Variants in IGSF10 observed in about 807,000 individuals in gnomAD.
The protein encoded by IGSF10 is calvaria mechanical force protein 608.
Under a neutral mutation model 128.2 loss-of-function variants are expected in IGSF10, and 126 were observed. That is an observed-to-expected ratio of 0.98 (90% confidence interval 0.85 to 1.14). IGSF10 has a LOEUF of 1.14. Among genes scored for constraint, IGSF10 ranks in the 50% most tolerant of loss-of-function variants. The pLI, the probability that IGSF10 is intolerant of heterozygous loss-of-function variation, is 0.00. For synonymous variants in IGSF10, 1,185 were observed against 1,146.2 expected (o/e 1.03, Z -0.68); for missense variants, 3,295 against 3,149.8 (o/e 1.05, Z -1.10).
the IGSF10 span, among the ~76,000 whole-genome samples, chr3:151,588,071 G>C: frequency 2.0e-5 from 3 of 152,132 alleles, no homozygotes; most frequent in Non-Finnish European, 4.4e-5. Context: ...AATTAAGTGA[G>C]GTATGAAATA....
the IGSF10 span, among the ~76,000 whole-genome samples, chr3:151,532,549 T>C: frequency 5.9e-5 from 9 of 151,966 alleles, no homozygotes; most frequent in Non-Finnish European, 1.2e-4. Context: ...ACATAATCCA[T>C]CGCATAAGCA....
chr3:151,526,770 G>A, the IGSF10 span, among the ~76,000 whole-genome samples: 1 of 151,634 alleles, frequency 6.6e-6, no homozygotes. Context: ...AATTTTCCTG[G>A]TTATCCTTAA....
chr3:151,530,604 C>A, the IGSF10 span, among the ~76,000 whole-genome samples: 1 of 152,084 alleles, frequency 6.6e-6, no homozygotes, highest in Non-Finnish European at 1.5e-5. Flanking sequence ...ATTTCATATC[C>A]AACCAAACTA....
chr3:151,578,663 C>A, the IGSF10 span, among the ~76,000 whole-genome samples: 1 of 152,316 alleles, frequency 6.6e-6, no homozygotes, highest in East Asian at 1.9e-4. Context: ...TGCCTGCATC[C>A]TTCTTCCTAT....
At chr3:151,474,825 G>A in the IGSF10 span, among the ~76,000 whole-genome samples, 2 of 145,968 alleles carry the variant, frequency 1.4e-5, no homozygotes, top group Non-Finnish European at 2.9e-5. Flanking sequence ...AGCAGGCAAA[G>A]AGAGAGCTTG....
the IGSF10 span, among the ~76,000 whole-genome samples, chr3:151,489,002 C>T: frequency 3.3e-5 from 5 of 152,132 alleles, no homozygotes; most frequent in East Asian, 1.9e-4. Flanking sequence ...AGAACTTCTG[C>T]GCAGCAAAAG....
the IGSF10 span, among the ~76,000 whole-genome samples, chr3:151,503,254 G>T: frequency 6.6e-6 from 1 of 151,774 alleles, no homozygotes; most frequent in Non-Finnish European, 1.5e-5. Flanking sequence ...AGGCCCACTA[G>T]GAAATAAGAC....
Position 151,458,719 on chromosome 3 carries a change from A to C in IGSF10, c.-1-9T>G, listed in dbSNP as rs554904597. The C allele has an allele frequency of 6.2e-7, 1 of 1,610,148 alleles. No homozygotes were observed. Among genetic ancestry groups the C allele is most frequent in the Admixed American group, 1.7e-5 (1 of 59,724 alleles). On this transcript the variant is annotated splice_polypyrimidine_tract_variant and intron_variant, in intron 2 of 7. Coordinates refer to ENST00000282466, the MANE Select transcript of IGSF10 (RefSeq NM_178822.5). ...TGCCTTTTACCTTCATCCTGAAAAAACATCATACCTCAGAGTTATAAAGAG... is the reference window on the plus strand; with the variant it reads ...TGCCTTTTACCTTCATCCTGAAAAACCATCATACCTCAGAGTTATAAAGAG...
At chr3:151,512,182 C>T in the IGSF10 span, among the ~76,000 whole-genome samples, 13 of 152,192 alleles carry the variant, frequency 8.5e-5, no homozygotes, top group African/African-American at 3.1e-4. Flanking sequence ...CACCACACCA[C>T]ACCTATTCCA....
chr3:151,447,900 G>A lies in IGSF10; in HGVS notation c.2081C>T (p.Pro694Leu), dbSNP rs772829788. The A allele has an allele frequency of 2.5e-6, 4 of 1,614,028 alleles. No homozygotes were observed. Among genetic ancestry groups the A allele is most frequent in the South Asian group, 1.1e-5 (1 of 91,074 alleles). Residue 694 changes from proline (P) to leucine (L), a missense_variant, in exon 6 of 8, where the codon CCA becomes CTA. By Grantham distance (98) the Pro-to-Leu change is moderately conservative. Coordinates refer to ENST00000282466, the MANE Select transcript of IGSF10 (RefSeq NM_178822.5). ...AGCAGATGTACGGAGTTGTGCACCT[G>A]GTGGCTCCTTAAGATGAGCAATAGG... ...SNPIAHLKEP[P>L]GAQLRTSALM... is the part of the protein sequence containing the mutation.
chr3:151,518,316 T>C, the IGSF10 span, among the ~76,000 whole-genome samples: 560 of 152,106 alleles, frequency 3.7e-3, 2 homozygotes, highest in African/African-American at 0.013. Context: ...CTCACTTTCG[T>C]TTTTCTGTCC....
chr3:151,505,454 G>A, the IGSF10 span, among the ~76,000 whole-genome samples: 1 of 152,150 alleles, frequency 6.6e-6, no homozygotes, highest in Admixed American at 6.5e-5. Flanking sequence ...AATGAGATTT[G>A]CACATTTAGT....
At chr3:151,461,078 C>A (rs1300990108), upstream of IGSF10, 6 of 985,066 alleles carry the variant, frequency 6.1e-6, no homozygotes, top group Non-Finnish European at 7.2e-6. Context: ...GGAGCGAGGG[C>A]GGGGGATGAG....
At chr3:151,581,457 C>T in the IGSF10 span, among the ~76,000 whole-genome samples, 2 of 152,054 alleles carry the variant, frequency 1.3e-5, no homozygotes, top group East Asian at 1.9e-4. Flanking sequence ...GACTGTTATT[C>T]CTTTGTGTTG....
chr3:151,531,472 A>C, the IGSF10 span, among the ~76,000 whole-genome samples: 1 of 152,202 alleles, frequency 6.6e-6, no homozygotes. Context: ...AATGGAAATC[A>C]TAACAAACAG....
At chr3:151,477,866 G>A in the IGSF10 span, among the ~76,000 whole-genome samples, 1 of 152,152 alleles carries the variant, frequency 6.6e-6, no homozygotes, top group Non-Finnish European at 1.5e-5. Flanking sequence ...AGGGAAAGCA[G>A]CCATAGATAA....
the IGSF10 span, among the ~76,000 whole-genome samples, chr3:151,534,801 A>ATATGTGTGTGTGTG: frequency 6.7e-6 from 1 of 149,078 alleles, no homozygotes. Flanking sequence ...TTTAAAGTGT[A>ATATGTGTGTGTGTG]TGTGTGTGTG....
chr3:151,472,714 C>T, the IGSF10 span, among the ~76,000 whole-genome samples: 1 of 152,162 alleles, frequency 6.6e-6, no homozygotes, highest in Non-Finnish European at 1.5e-5. Context: ...CTAAGTACTG[C>T]AAGGCTTTAA....
chr3:151,528,937 C>A, the IGSF10 span, among the ~76,000 whole-genome samples: 1 of 140,854 alleles, frequency 7.1e-6, no homozygotes, highest in Non-Finnish European at 1.5e-5. Context: ...TGGAGCCCAG[C>A]AAGCTAAGAT....
Sources: allele counts gnomAD v4.1 joint callset (sites outside exome capture counted in the v4.1 genomes callset), GRCh38; gene constraint gnomAD v4.1.1; transcripts MANE v1.5; gene names NCBI Gene and HGNC (gene_info 2026-07-23, HGNC 2026-07-21).